The following PCDHGA2 variants were observed in gnomAD, a reference collection of about 807,000 sequenced individuals.
PCDHGA2 encodes protocadherin gamma subfamily A, 2, also known as protocadherin gamma-A2.
A neutral mutation model predicts 59.2 loss-of-function variants in PCDHGA2; 40 were observed. That is an observed-to-expected ratio of 0.68 (90% CI 0.52 to 0.88). PCDHGA2 has a LOEUF of 0.88. Ranked by LOEUF, PCDHGA2 falls within the 40% of genes least tolerant of loss-of-function variation. PCDHGA2 has a pLI of 0.00. For synonymous variants in PCDHGA2, 560 were observed against 526.0 expected (o/e 1.06, Z -0.89); for missense variants, 1,226 against 1,204.0 (o/e 1.02, Z -0.27).
intron 1 of PCDHGA2, chr5:141,409,386 A>C (rs369240403): frequency 1.2e-6 from 2 of 1,613,914 alleles, no homozygotes; most frequent in African/African-American, 2.7e-5. Flanking sequence ...TTCAAGATTT[A>C]TTCTTCTTCC....
At position 141,499,027 on chromosome 5, in the gene PCDHGA2, A is replaced by AG. The variant is rs1323149397; in HGVS notation, c.2483+4163dup. 7.4e-3 allele frequency among the ~76,000 whole-genome samples: 1,116 copies of AG among 149,928 alleles called. 12 individuals are homozygous for AG. Among genetic ancestry groups the AG allele is most frequent in the African/African-American group, 0.026 (1,074 of 40,604 alleles). On this transcript the variant is annotated intron_variant, in intron 2 of 3. Transcript: ENST00000394576. ...AAGGAAGGAAGGAAGGAAGGAAGGA[A>AG]GAAAAGAAAGAAAAAGGGAGAAAAA...
At chr5:141,408,078 C>G in intron 1 of PCDHGA2, 1 of 1,407,992 alleles carries the variant, frequency 7.1e-7, no homozygotes, top group Non-Finnish European at 9.4e-7. Context: ...CCTTTCCCAG[C>G]ACAGCGGATT....
chr5:141,427,871 G>A (rs762885351), intron 1 of PCDHGA2: 1 of 1,559,530 alleles, frequency 6.4e-7, no homozygotes, highest in South Asian at 1.1e-5. Flanking sequence ...TCGAGCTCAC[G>A]ATGCAGGCCC....
intron 1 of PCDHGA2, among the ~76,000 whole-genome samples, chr5:141,483,725 C>T (rs903001715): frequency 1.3e-5 from 2 of 152,008 alleles, no homozygotes; most frequent in Non-Finnish European, 1.5e-5. Context: ...TGGTTCCCAC[C>T]ATAGTCAAAA....
At chr5:141,355,779 G>C (rs762969886) in intron 1 of PCDHGA2, 1 of 1,613,716 alleles carries the variant, frequency 6.2e-7, no homozygotes, top group East Asian at 2.2e-5. Context: ...AGTACCCAGA[G>C]CTGGTGCTGG....
At chr5:141,398,199 G>A in intron 1 of PCDHGA2, 1 of 1,491,242 alleles carries the variant, frequency 6.7e-7, no homozygotes, top group South Asian at 1.3e-5. Flanking sequence ...TGCTGTCTTT[G>A]TTCTGCCCGG....
intron 1 of PCDHGA2, chr5:141,420,929 G>A (rs1321290902): frequency 1.4e-5 from 5 of 362,196 alleles, no homozygotes; most frequent in Non-Finnish European, 2.5e-5. Flanking sequence ...AAAGGTGAGC[G>A]TAATCATTTC....
Position 141,490,798 on chromosome 5 carries a change from C to A in PCDHGA2, c.2425-4009C>A. 2 of 1,613,926 alleles carry A rather than the reference C, an allele frequency of 1.2e-6. No individual in the cohort carries two copies. Among genetic ancestry groups the A allele is most frequent in the South Asian group, 2.2e-5 (2 of 91,074 alleles). ...AGAGGATGGACGGATCTTTGCCCAG[C>A]GTACCTTTGACTATGAATTGCTGCA... On this transcript the variant is annotated intron_variant, in intron 1 of 3. Transcript: ENST00000394576. This position sits in a 1 kb window ranked among gnomAD's most constrained non-coding sequence, Gnocchi z 5.4.
chr5:141,405,037 G>C (rs756524085), intron 1 of PCDHGA2: 5 of 1,613,856 alleles, frequency 3.1e-6, no homozygotes, highest in Non-Finnish European at 4.2e-6. Flanking sequence ...ACCTCGTTGT[G>C]GCTGTGGCAG....
Position 141,400,031 on chromosome 5 carries a change from G to A in PCDHGA2, c.2424+58636G>A, listed in dbSNP as rs373709904. The A allele has an allele frequency of 2.2e-5, 36 of 1,612,964 alleles. No individual in the cohort carries two copies. In the African/African-American group the frequency reaches 4.5e-4, roughly 20 times the overall value. The stretch of plus-strand genomic sequence containing the variant: ...GCCTTGGGCGACAGGGACGCGGCCC[G>A]CCAGCGCCTGCTGGTTGCTGTGCGT... On this transcript the variant is annotated intron_variant, in intron 1 of 3. Coordinates refer to ENST00000394576, the MANE Select transcript of PCDHGA2 (RefSeq NM_018915.4).
intron 1 of PCDHGA2, chr5:141,345,707 C>G (rs200612120): frequency 1.9e-6 from 3 of 1,614,116 alleles, no homozygotes; most frequent in African/African-American, 1.3e-5. Context: ...AGAACGACAA[C>G]GCGCCCGAGA....
Position 141,344,610 on chromosome 5 carries a change from G to C in PCDHGA2, c.2424+3215G>C, listed in dbSNP as rs1245927345. ...CGTCTCTGAGGGGGCCAAGTATCCA[G>C]AGCTGGTGCTGGAGCGGGCCCTGGA... On this transcript the variant is annotated intron_variant, in intron 1 of 3. Transcript: ENST00000394576. The C allele has an allele frequency of 5.6e-6, 9 of 1,613,992 alleles. No homozygotes were observed. The Admixed American group carries it at 1.5e-4, about 27-fold the overall frequency.
At chr5:141,359,130 A>G (rs1042094168) in intron 1 of PCDHGA2, among the ~76,000 whole-genome samples, 2 of 152,228 alleles carry the variant, frequency 1.3e-5, no homozygotes, top group South Asian at 4.1e-4. Context: ...TGCAATACAT[A>G]GAGTAAGCTG....
At chr5:141,488,951 A>G (rs2099680664) in intron 1 of PCDHGA2, among the ~76,000 whole-genome samples, 1 of 152,118 alleles carries the variant, frequency 6.6e-6, no homozygotes, top group Admixed American at 6.5e-5. Flanking sequence ...ATTGGTTGAG[A>G]GCACACAGAC....
intron 1 of PCDHGA2, chr5:141,403,705 C>T: frequency 6.2e-7 from 1 of 1,613,894 alleles, no homozygotes; most frequent in Non-Finnish European, 8.5e-7. Context: ...GAGTTAAAGT[C>T]CTTGAGAACG....
chr5:141,403,553 G>T, intron 1 of PCDHGA2: 6 of 1,613,980 alleles, frequency 3.7e-6, no homozygotes, highest in Non-Finnish European at 5.1e-6. Flanking sequence ...GCGCGCCCTG[G>T]ACAGGGAGGA....
At chr5:141,367,962 C>T (rs766516338) in intron 1 of PCDHGA2, among the ~76,000 whole-genome samples, 3 of 152,076 alleles carry the variant, frequency 2.0e-5, no homozygotes, top group Admixed American at 1.3e-4. Context: ...TCATATCTAA[C>T]GTATGTGCTC....
At chr5:141,427,695 C>T in intron 1 of PCDHGA2, 1 of 918,214 alleles carries the variant, frequency 1.1e-6, no homozygotes, top group Non-Finnish European at 1.7e-6. Context: ...CTCCATCCCA[C>T]AAGTCAGCGC....
In PCDHGA2 at chr5:141,409,573, C is replaced by A. The variant is rs562811168; in HGVS notation, c.2424+68178C>A. 7 of 1,613,816 alleles carry A rather than the reference C, an allele frequency of 4.3e-6. No individual in the cohort carries two copies. In the Admixed American group the frequency reaches 1.2e-4, roughly 27 times the overall value. ...CCCCAGTTTTCGACCAGACGTCCTA[C>A]GTGGTCCACGTGGCCGAGAACAACC... On this transcript the variant is annotated intron_variant, in intron 1 of 3. Transcript: ENST00000394576.
Sources: allele counts gnomAD v4.1 joint callset (sites outside exome capture counted in the v4.1 genomes callset), GRCh38; gene constraint gnomAD v4.1.1; non-coding constraint Gnocchi (gnomAD v3.1); transcripts MANE v1.5; gene names NCBI Gene and HGNC (gene_info 2026-07-23, HGNC 2026-07-21).